The following CMIP variants were observed in gnomAD, a reference collection of about 807,000 sequenced individuals.
CMIP encodes c-Maf inducing protein.
Under a neutral mutation model 97.3 loss-of-function variants are expected in CMIP, and 13 were observed. The observed-to-expected ratio is 0.13, with a 90% CI of 0.09 to 0.21. The LOEUF is 0.21. Among genes scored for constraint, CMIP ranks in the 10% least tolerant of loss-of-function variants. The pLI, the probability that CMIP is intolerant of heterozygous loss-of-function variation, is 1.00. For missense variants in CMIP, 847 were observed against 1,024.9 expected, an observed-to-expected ratio of 0.83 and a Z score of 2.37; for synonymous variants, 538 against 436.3, an observed-to-expected ratio of 1.23 and a Z score of -2.91.
chr16:81,650,554 G>C (rs971398720), intron 3 of CMIP, among the ~76,000 whole-genome samples: 4 of 152,156 alleles, frequency 2.6e-5, no homozygotes, highest in Non-Finnish European at 5.9e-5. Flanking sequence ...GAGTATATCA[G>C]AGGCCCCAGA....
At chr16:81,640,659 G>C (rs1296925772) in intron 3 of CMIP, among the ~76,000 whole-genome samples, 1 of 151,988 alleles carries the variant, frequency 6.6e-6, no homozygotes, top group African/African-American at 2.4e-5. Flanking sequence ...GCCTCACCCA[G>C]CTTCTGATGG....
intron 4 of CMIP, among the ~76,000 whole-genome samples, chr16:81,654,574 A>G (rs1365295825): frequency 2.0e-5 from 3 of 152,256 alleles, no homozygotes; most frequent in African/African-American, 7.2e-5. Context: ...ATTTAGGGAC[A>G]GAGCTGGGAC....
At chr16:81,589,209 G>C (rs2091429377) in intron 1 of CMIP, among the ~76,000 whole-genome samples, 1 of 151,964 alleles carries the variant, frequency 6.6e-6, no homozygotes, top group Non-Finnish European at 1.5e-5. Flanking sequence ...CGATTCTCCT[G>C]CGTCAGCTTC....
In CMIP at chr16:81,652,714, C is replaced by T. The variant is rs2092442219; in HGVS notation, c.639+350C>T. 6.6e-6 allele frequency among the ~76,000 whole-genome samples: 1 copy of T among 152,202 alleles called. No homozygotes were observed. Among genetic ancestry groups the T allele is most frequent in the Non-Finnish European group, 1.5e-5 (1 of 68,028 alleles). ...TCAGCTTTCTGCCCTCGTCACCCCA[C>T]AAAGCCTGTAGATGTGCTCTGTTTA... On this transcript the variant is annotated intron_variant, in intron 4 of 20. Coordinates refer to ENST00000537098, the MANE Select transcript of CMIP (RefSeq NM_198390.3). The surrounding 1 kb of genome is among the most constrained non-coding windows in gnomAD (Gnocchi z 5.2).
At chr16:81,629,155 A>AG (rs2092118215) in intron 3 of CMIP, among the ~76,000 whole-genome samples, 2 of 148,652 alleles carry the variant, frequency 1.3e-5, no homozygotes. Context: ...AAAAAAAAAA[A>AG]AAAAAAAAAA....
At position 81,699,670 on chromosome 16, in the gene CMIP, C is replaced by T; in HGVS notation, c.1639-15C>T. 6.4e-7 allele frequency: 1 copy of T among 1,563,950 alleles called. No homozygotes were observed. ...GGTGTCTCTGTCCCTTCACCTGGGC[C>T]TTCTTGCCTCACAGGTGCACATCCT... On this transcript the variant is annotated splice_polypyrimidine_tract_variant and intron_variant, in intron 14 of 20. Coordinates refer to ENST00000537098, the MANE Select transcript of CMIP (RefSeq NM_198390.3).
At chr16:81,488,453 C>T (rs560318031) in intron 1 of CMIP, among the ~76,000 whole-genome samples, 63 of 152,272 alleles carry the variant, frequency 4.1e-4, no homozygotes, top group Admixed American at 7.2e-4. Flanking sequence ...GCCCGATGCA[C>T]GGAGGGAGTG....
intron 1 of CMIP, among the ~76,000 whole-genome samples, chr16:81,546,950 C>T (rs575120058): frequency 5.3e-5 from 8 of 152,298 alleles, no homozygotes; most frequent in Admixed American, 3.3e-4. Flanking sequence ...TTCCCTGCAT[C>T]GCGAGAGCTC....
At chr16:81,491,313 G>T (rs918568657) in intron 1 of CMIP, among the ~76,000 whole-genome samples, 1 of 152,140 alleles carries the variant, frequency 6.6e-6, no homozygotes, top group Non-Finnish European at 1.5e-5. Flanking sequence ...CTCTGTCACC[G>T]CATGGCTGTG....
Position 81,678,607 on chromosome 16 carries a change from A to C in CMIP, c.1367A>C (p.Tyr456Ser). The change falls in exon 10 of 21, where the codon TAC becomes TCC. Residue 456 changes from tyrosine (Y) to serine (S), a missense_variant. By Grantham distance (144) the Tyr-to-Ser change is moderately radical. Around this residue, in one of 4 missense-constraint regions of CMIP, gnomAD observed 202 missense variants for 168.7 expected, o/e 1.20. Transcript: ENST00000537098. ...CAGGCCGACCGCACGCTCGGCTGCT[A>C]CGTGGAAATCCTCAAGCTGCTGTGA... is the stretch of plus-strand genomic sequence containing the variant. ...GPQADRTLGC[Y>S]VEILKLLSDY... The C allele has an allele frequency of 1.3e-6, 2 of 1,585,186 alleles. No homozygotes were observed. The highest frequency in any genetic ancestry group is 1.7e-6 in the Non-Finnish European group (2 of 1,160,680).
rs2091983989 is a variant in CMIP, at chr16:81,620,935, T to C, written c.477+9T>C. The C allele has an allele frequency of 6.2e-7, 1 of 1,613,758 alleles. No individual in the cohort carries two copies. The highest frequency in any genetic ancestry group is 1.1e-5 in the South Asian group (1 of 91,086). ...ATTCTCTGCAATGGAAGGTAAGTAC[T>C]GACTCGGTTGCTTGTTTAAAGCGAC... On this transcript the variant is annotated intron_variant, in intron 3 of 20. Coordinates refer to ENST00000537098, the MANE Select transcript of CMIP (RefSeq NM_198390.3).
At chr16:81,591,225 T>TG (rs1426039507) in intron 1 of CMIP, among the ~76,000 whole-genome samples, 1 of 138,680 alleles carries the variant, frequency 7.2e-6, no homozygotes, top group Non-Finnish European at 1.7e-5. Context: ...ACCCCTGGCA[T>TG]GGGTCATTCG....
intron 7 of CMIP, among the ~76,000 whole-genome samples, chr16:81,667,785 AGAGAGAGAGAGAGAGTGTGTGT>A (rs1192898303): frequency 1.1e-4 from 14 of 124,482 alleles, no homozygotes; most frequent in African/African-American, 9.5e-5. Context: ...AGAGAGAGAG[AGAGAGAGAGAGAGAGTGTGTGT>A]GTGTGTGTGT....
At chr16:81,579,219 G>A (rs74029202) in intron 1 of CMIP, among the ~76,000 whole-genome samples, 2 of 152,142 alleles carry the variant, frequency 1.3e-5, no homozygotes, top group Non-Finnish European at 2.9e-5. Context: ...GGAGGAAGAT[G>A]AAGGTGAAGG....
rs772958785 is a variant in CMIP, at chr16:81,614,018, C to T, written c.426+6326C>T. On this transcript the variant is annotated intron_variant, in intron 2 of 20. Transcript: ENST00000537098. The surrounding 1 kb of genome is among the most constrained non-coding windows in gnomAD (Gnocchi z 5.3). ...TGCAGAAGAAGGACAACTAGACAGGCGATTCCAGGACAGTGTGATGCGTTA... is the reference window on the plus strand; with the variant it reads ...TGCAGAAGAAGGACAACTAGACAGGTGATTCCAGGACAGTGTGATGCGTTA... Among the ~76,000 whole-genome samples, 6 of 152,134 alleles carry T rather than the reference C, an allele frequency of 3.9e-5. No homozygotes were observed. Among genetic ancestry groups the T allele is most frequent in the Admixed American group, 2.6e-4 (4 of 15,276 alleles).
chr16:81,519,582 G>C (rs1448380789), intron 1 of CMIP: 1 of 152,206 alleles, frequency 6.6e-6, no homozygotes, highest in Non-Finnish European at 1.5e-5. Context: ...TGGAATCTTG[G>C]GTCTCCTACT....
intron 1 of CMIP, among the ~76,000 whole-genome samples, chr16:81,500,079 G>T (rs1219688627): frequency 6.6e-6 from 1 of 152,022 alleles, no homozygotes; most frequent in African/African-American, 2.4e-5. Flanking sequence ...GCCACTCCTT[G>T]GTCTCTGCTC....
intron 1 of CMIP, among the ~76,000 whole-genome samples, chr16:81,523,360 C>T (rs894453949): frequency 2.0e-5 from 3 of 152,168 alleles, no homozygotes; most frequent in African/African-American, 7.2e-5. Flanking sequence ...CCCTGTTTGC[C>T]ATCTTGTTCC....
intron 1 of CMIP, among the ~76,000 whole-genome samples, chr16:81,597,263 T>C (rs983689792): frequency 6.6e-6 from 1 of 152,236 alleles, no homozygotes; most frequent in Non-Finnish European, 1.5e-5. Context: ...CTGTTTGCAC[T>C]GTGTCTGTGC....
Sources: allele counts gnomAD v4.1 joint callset (sites outside exome capture counted in the v4.1 genomes callset), GRCh38; gene constraint gnomAD v4.1.1; regional missense constraint gnomAD v4.1.1; non-coding constraint Gnocchi (gnomAD v3.1); transcripts MANE v1.5; gene names NCBI Gene and HGNC (gene_info 2026-07-23, HGNC 2026-07-21).